Variants in CDK14 observed in about 807,000 individuals in gnomAD.
The protein encoded by CDK14 is cyclin dependent kinase 14, also known as cyclin-dependent kinase 14.
CDK14 carries 34 observed loss-of-function variants against 60.7 expected under a neutral mutation model. That is an observed-to-expected ratio of 0.56 (90% CI 0.43 to 0.75). CDK14 has a LOEUF of 0.75. Ranked by LOEUF, CDK14 falls within the 30% of genes least tolerant of loss-of-function variation. The pLI is 0.00. For missense variants in CDK14, 482 were observed against 564.1 expected (o/e 0.85, Z 1.47); for synonymous variants, 197 against 203.7 (o/e 0.97, Z 0.28).
intron 7 of CDK14, among the ~76,000 whole-genome samples, chr7:90,915,393 T>C (rs377383988): frequency 1.1e-4 from 16 of 152,192 alleles, no homozygotes; most frequent in African/African-American, 3.9e-4. Flanking sequence ...GAGCTGAGAT[T>C]GTGCCACTGT....
intron 5 of CDK14, among the ~76,000 whole-genome samples, chr7:90,858,434 A>C (rs541827595): frequency 6.6e-6 from 1 of 152,322 alleles, no homozygotes; most frequent in South Asian, 2.1e-4. Context: ...ATTCTCACTG[A>C]AGTGGAAGCT....
chr7:90,805,854 G>T (rs1411016529), intron 5 of CDK14, among the ~76,000 whole-genome samples: 4 of 152,088 alleles, frequency 2.6e-5, no homozygotes, highest in Non-Finnish European at 5.9e-5. Flanking sequence ...TTTTGAAAAT[G>T]AACAAAGTAG....
At chr7:90,709,544 G>C in intron 2 of CDK14, 1 of 1,613,122 alleles carries the variant, frequency 6.2e-7, no homozygotes, top group Non-Finnish European at 8.5e-7. Context: ...GACAGCATAT[G>C]CACGGTTACT....
chr7:90,603,104 T>C (rs1799349207), intron 1 of CDK14, among the ~76,000 whole-genome samples: 1 of 152,226 alleles, frequency 6.6e-6, no homozygotes, highest in Non-Finnish European at 1.5e-5. Context: ...AAATCATGTA[T>C]AAAGCAGCAA....
chr7:90,880,735 C>G (rs1562810789), intron 6 of CDK14, among the ~76,000 whole-genome samples: 1 of 152,188 alleles, frequency 6.6e-6, no homozygotes, highest in Admixed American at 6.5e-5. Context: ...AGCAGGCAAC[C>G]AACTTTGCTG....
intron 5 of CDK14, among the ~76,000 whole-genome samples, chr7:90,855,342 A>AT (rs1170180713): frequency 6.6e-6 from 1 of 152,166 alleles, no homozygotes; most frequent in Non-Finnish European, 1.5e-5. Context: ...TCATTATTGT[A>AT]TTATAGTTCC....
At chr7:90,842,521 T>C (rs1400009396) in intron 5 of CDK14, among the ~76,000 whole-genome samples, 1 of 152,264 alleles carries the variant, frequency 6.6e-6, no homozygotes, top group Admixed American at 6.5e-5. Flanking sequence ...CAGAAGCTGC[T>C]AGAAAGACTT....
chr7:90,920,587 T>C (rs1469954918), intron 8 of CDK14, among the ~76,000 whole-genome samples: 1 of 152,188 alleles, frequency 6.6e-6, no homozygotes, highest in Non-Finnish European at 1.5e-5. Context: ...AGATGCTTGA[T>C]TCATATCCTT....
chr7:91,187,861 A>G (rs1413946789), intron 14 of CDK14, among the ~76,000 whole-genome samples: 2 of 152,108 alleles, frequency 1.3e-5, no homozygotes, highest in Non-Finnish European at 2.9e-5. Context: ...ATGCAAATGG[A>G]GTCTTTGCCT....
chr7:90,836,557 G>A (rs146060606), intron 5 of CDK14, among the ~76,000 whole-genome samples: 100 of 152,124 alleles, frequency 6.6e-4, no homozygotes, highest in African/African-American at 2.1e-3. Flanking sequence ...AATACCTCCC[G>A]AAGAACCTGC....
intron 11 of CDK14, among the ~76,000 whole-genome samples, chr7:91,057,399 C>G (rs1338531011): frequency 1.3e-5 from 2 of 151,980 alleles, no homozygotes; most frequent in Non-Finnish European, 2.9e-5. Context: ...TGCAGAAGCT[C>G]TTTAGTTTAA....
chr7:90,969,484 T>G (rs1794857244), intron 9 of CDK14, among the ~76,000 whole-genome samples: 1 of 152,224 alleles, frequency 6.6e-6, no homozygotes, highest in African/African-American at 2.4e-5. Flanking sequence ...TAATTACCCA[T>G]GAATAAATTT....
At chr7:90,842,674 A>T (rs1244449127) in intron 5 of CDK14, among the ~76,000 whole-genome samples, 1 of 152,188 alleles carries the variant, frequency 6.6e-6, no homozygotes, top group Non-Finnish European at 1.5e-5. Context: ...CAAAATGTCA[A>T]ATGATGGCTT....
intron 14 of CDK14, among the ~76,000 whole-genome samples, chr7:91,146,227 G>A (rs1800633778): frequency 6.6e-6 from 1 of 152,208 alleles, no homozygotes; most frequent in Non-Finnish European, 1.5e-5. Context: ...TTGAGACAGA[G>A]TCTTGCTCTG....
intron 14 of CDK14, among the ~76,000 whole-genome samples, chr7:91,172,977 T>G (rs1216492033): frequency 6.6e-6 from 1 of 152,184 alleles, no homozygotes; most frequent in Admixed American, 6.5e-5. Flanking sequence ...TGCCCAAACT[T>G]TCTTAATTTT....
At chr7:91,083,853 G>T (rs1798551573) in intron 12 of CDK14, among the ~76,000 whole-genome samples, 1 of 152,176 alleles carries the variant, frequency 6.6e-6, no homozygotes, top group Non-Finnish European at 1.5e-5. Context: ...TATCTGAGTG[G>T]AAGATGGTAA....
chr7:91,067,118 C>T (rs893948804), intron 11 of CDK14, among the ~76,000 whole-genome samples: 2 of 152,168 alleles, frequency 1.3e-5, no homozygotes, highest in Non-Finnish European at 2.9e-5. Flanking sequence ...TAAAATTATT[C>T]ATAGGCAGTT....
intron 7 of CDK14, among the ~76,000 whole-genome samples, chr7:90,899,840 ATCAAAAGAACTATGATT>A (rs1792446184): frequency 6.6e-6 from 1 of 152,164 alleles, no homozygotes; most frequent in Admixed American, 6.6e-5. Context: ...ACTACCGAGT[ATCAAAAGAACTATGATT>A]TCCTAAAATT....
At chr7:90,916,525 C>CCA (rs1292007789) in intron 7 of CDK14, among the ~76,000 whole-genome samples, 1 of 152,160 alleles carries the variant, frequency 6.6e-6, no homozygotes, top group African/African-American at 2.4e-5. Context: ...TCCAGAGATG[C>CCA]CACTGTCCAG....
Sources: gnomAD v4.1 joint callset for allele counts (sites outside exome capture counted in the v4.1 genomes callset) on GRCh38, gnomAD v4.1.1 for gene constraint, MANE v1.5 for transcripts, NCBI Gene and HGNC (gene_info 2026-07-23, HGNC 2026-07-21) for gene names.